FGD3: variants seen among roughly 807,000 people sequenced by gnomAD.
The protein encoded by FGD3 is FYVE, RhoGEF and PH domain containing 3.
In FGD3, 45 loss-of-function variants were observed where a neutral mutation model predicts 71.8. The ratio of observed to expected loss-of-function variants is 0.63; its 90% CI spans 0.49 to 0.80. FGD3 has a LOEUF of 0.80. Ranked by LOEUF, FGD3 falls within the 30% of genes least tolerant of loss-of-function variation. The pLI is 0.00. For missense variants in FGD3, 844 were observed against 951.5 expected, an observed-to-expected ratio of 0.89 and a Z score of 1.49; for synonymous variants, 378 against 392.8, an observed-to-expected ratio of 0.96 and a Z score of 0.44.
intron 1 of FGD3, among the ~76,000 whole-genome samples, chr9:92,959,477 G>A (rs1859128742): frequency 1.3e-5 from 2 of 152,102 alleles, no homozygotes; most frequent in African/African-American, 2.4e-5. Context: ...CAGGGCTGAG[G>A]TAGAAGGATC....
At chr9:93,030,718 C>CG (rs1862319884) in intron 15 of FGD3, among the ~76,000 whole-genome samples, 2 of 88,760 alleles carry the variant, frequency 2.3e-5, no homozygotes, top group African/African-American at 8.3e-5. Flanking sequence ...GGGGGGGCAG[C>CG]AGGGGGGGGG....
Position 92,973,295 on chromosome 9 carries a change from A to ACT in FGD3, c.-217-1943_-217-1942insCT, listed in dbSNP as rs1189651176. 2.0e-5 allele frequency among the ~76,000 whole-genome samples: 3 copies of ACT among 151,756 alleles called. No homozygotes were observed. The East Asian group carries it at 5.8e-4, about 29-fold the overall frequency. ...ATGCCTGGCTAATTTTTGTATTTTT[A>ACT]GTAGAGATAGGGTTTCTCCATGTTG... On this transcript the variant is annotated intron_variant, in intron 1 of 17. Transcript: ENST00000375482.
intron 3 of FGD3, among the ~76,000 whole-genome samples, chr9:92,979,367 A>T (rs144430938): frequency 9.3e-4 from 142 of 152,342 alleles, no homozygotes; most frequent in African/African-American, 3.4e-3. Flanking sequence ...TGAGATGATC[A>T]TGTGGCTTTT....
intron 8 of FGD3, 145 bp downstream of exon 8, chr9:93,011,417 G>C: frequency 4.2e-6 from 4 of 959,258 alleles, no homozygotes; most frequent in Non-Finnish European, 6.4e-6. Context: ...CCCATCCCCA[G>C]GGGGGTCAGC....
At chr9:92,974,411 A>G (rs967456723) in intron 1 of FGD3, 1 of 152,288 alleles carries the variant, frequency 6.6e-6, no homozygotes, top group Non-Finnish European at 1.5e-5. Flanking sequence ...CCAATCATAA[A>G]TGCCCACCTG....
chr9:92,973,410 C>T (rs572823560), intron 1 of FGD3, among the ~76,000 whole-genome samples: 3 of 152,286 alleles, frequency 2.0e-5, no homozygotes, highest in Admixed American at 1.3e-4. Context: ...CCACTGTGCC[C>T]GGCCTCTGCC....
intron 3 of FGD3, among the ~76,000 whole-genome samples, chr9:92,998,917 G>T (rs975997679): frequency 1.2e-4 from 18 of 152,320 alleles, no homozygotes; most frequent in African/African-American, 4.3e-4. Flanking sequence ...CTACTCGGGG[G>T]TCAGGGACCC....
intron 1 of FGD3, among the ~76,000 whole-genome samples, chr9:92,952,805 G>GATC (rs917855416): frequency 1.3e-5 from 2 of 150,194 alleles, no homozygotes; most frequent in African/African-American, 4.9e-5. Flanking sequence ...GTGCTGCTGT[G>GATC]ATCACCCTTA....
rs1446476409 is a variant in FGD3, at chr9:93,034,564, G to T, written c.1809G>T (p.Gln603His). The change falls in exon 17 of 18, where the codon CAG becomes CAT. Residue 603 changes from glutamine to histidine, a missense_variant. By Grantham distance (24) the Gln-to-His change is conservative (BLOSUM62 0). Transcript: ENST00000375482. ...STEKTPTADP[Q>H]PSLLCGPLRL... ...AGAAGACACCCACTGCAGACCCCCA[G>T]CCCAGCCTGCTCTGCGGCCCCCTGC... 5 of 1,612,686 alleles carry T rather than the reference G, an allele frequency of 3.1e-6. No homozygotes were observed. The Admixed American group carries it at 5.0e-5, about 16-fold the overall frequency.
rs778357451 is a variant in FGD3, at chr9:93,020,538, C to T, written c.1494+114C>T. 18 of 793,562 alleles carry T rather than the reference C, an allele frequency of 2.3e-5. No individual in the cohort carries two copies. In the East Asian group the frequency reaches 4.0e-4, roughly 18 times the overall value. The allele number at this position is 793,562 out of a possible 1,614,324, so 49.2% of individuals were successfully genotyped here. A position where few individuals can be genotyped will look rare whatever the true frequency, so the allele number is the denominator to read the frequency against. ...TGACCTCCAGGCTTTCCTCCTGCTA[C>T]ACCAGGGACCAGGACAGCGGGCACT... is the stretch of plus-strand genomic sequence containing the variant. On this transcript the variant is annotated intron_variant, in intron 13 of 17. Transcript: ENST00000375482.
chr9:92,970,764 C>T (rs981726384), intron 1 of FGD3, among the ~76,000 whole-genome samples: 1 of 152,174 alleles, frequency 6.6e-6, no homozygotes, highest in Non-Finnish European at 1.5e-5. Context: ...CATACGTGTG[C>T]ACACATGTGT....
intron 15 of FGD3, 127 bp downstream of exon 15, chr9:93,030,123 C>A: frequency 9.0e-7 from 1 of 1,113,472 alleles, no homozygotes; most frequent in Non-Finnish European, 1.2e-6. Flanking sequence ...GCTTCCTGAT[C>A]CTGGCTCATG....
chr9:92,992,118 T>G (rs1860436623), intron 3 of FGD3, among the ~76,000 whole-genome samples: 1 of 152,224 alleles, frequency 6.6e-6, no homozygotes, highest in African/African-American at 2.4e-5. Context: ...GTTTATCTTT[T>G]AAACAGGGGA....
chr9:93,010,517 A>AAGAGAC (rs151317911), intron 7 of FGD3, 133 bp downstream of exon 7: 363,514 of 743,146 alleles, frequency 0.49, 109,072 homozygotes, highest in African/African-American at 0.89. Flanking sequence ...ACCAGAGGGA[A>AAGAGAC]AGAGACAGAG....
In FGD3 at chr9:93,035,643, G is replaced by A. The variant is rs1587879819; in HGVS notation, c.*54G>A. ...CCACATTGGACCTGTGCTGTCCTGG[G>A]AGGTGGTGTTGGAGGCCCCATGAAG... On this transcript the variant is annotated 3_prime_UTR_variant, in exon 18 of 18. Transcript: ENST00000375482. 5.9e-6 allele frequency: 9 copies of A among 1,524,486 alleles called. No individual in the cohort carries two copies. Among genetic ancestry groups the A allele is most frequent in the Non-Finnish European group, 7.9e-6 (9 of 1,138,456 alleles). The allele number at this position is 1,524,486 out of a possible 1,614,324, so 94.4% of individuals were successfully genotyped here.
intron 1 of FGD3, among the ~76,000 whole-genome samples, chr9:92,970,952 G>C (rs1859507303): frequency 6.6e-6 from 1 of 152,184 alleles, no homozygotes; most frequent in Non-Finnish European, 1.5e-5. Context: ...CCTCTATCCA[G>C]CTCTCTTTGT....
chr9:92,953,634 G>T (rs771637876), intron 1 of FGD3, among the ~76,000 whole-genome samples: 2 of 152,138 alleles, frequency 1.3e-5, no homozygotes, highest in Non-Finnish European at 2.9e-5. Context: ...AATGTCACCT[G>T]CACACGGGCC....
chr9:93,012,424 T>C lies in FGD3; in HGVS notation c.1035+1152T>C, dbSNP rs1861449163. On this transcript the variant is annotated intron_variant, in intron 8 of 17. Transcript: ENST00000375482. ...GTGGTCCCCGGCCTGCCCCGGAAAGTGTCAGCCATGTGTTACCATGGAACT... is the reference window on the plus strand; with the variant it reads ...GTGGTCCCCGGCCTGCCCCGGAAAGCGTCAGCCATGTGTTACCATGGAACT... Among the ~76,000 whole-genome samples, 2 of 152,062 alleles carry C rather than the reference T, an allele frequency of 1.3e-5. 1 individual carries two copies. The highest frequency in any genetic ancestry group is 1.3e-4 in the Admixed American group (2 of 15,266).
In FGD3 at chr9:93,023,203, C is replaced by T. The variant is rs552639208; in HGVS notation, c.1557+814C>T. On this transcript the variant is annotated intron_variant, in intron 14 of 17. Transcript: ENST00000375482. ...CTGTGCAGGCCCAGGAATGACATGGCCCCAGATGGCTGCCCTAGCCCCATC... is the reference window on the plus strand; with the variant it reads ...CTGTGCAGGCCCAGGAATGACATGGTCCCAGATGGCTGCCCTAGCCCCATC... 2.6e-5 allele frequency among the ~76,000 whole-genome samples: 4 copies of T among 152,300 alleles called. No homozygotes were observed. The East Asian group carries it at 7.7e-4, about 29-fold the overall frequency.
Sources: gnomAD v4.1 joint callset for allele counts (sites outside exome capture counted in the v4.1 genomes callset) on GRCh38, gnomAD v4.1.1 for gene constraint, MANE v1.5 for transcripts, NCBI Gene and HGNC (gene_info 2026-07-23, HGNC 2026-07-21) for gene names.